HHAT: variants seen among roughly 807,000 people sequenced by gnomAD.
HHAT encodes protein-cysteine N-palmitoyltransferase HHAT.
In HHAT, 47 loss-of-function variants were observed where a neutral mutation model predicts 70.8. The observed-to-expected ratio is 0.66, with a 90% CI of 0.53 to 0.85. The LOEUF is 0.85. Among genes scored for constraint, HHAT ranks in the 40% least tolerant of loss-of-function variants. The probability of loss-of-function intolerance (pLI) is 0.00; values close to 1 mark genes in which losing one functional copy is unlikely to be tolerated. For synonymous variants in HHAT, 228 were observed against 247.6 expected (o/e 0.92, Z 0.74); for missense variants, 609 against 604.8 (o/e 1.01, Z -0.07).
intron 9 of HHAT, among the ~76,000 whole-genome samples, chr1:210,561,000 T>C (rs1337225151): frequency 6.6e-6 from 1 of 152,116 alleles, no homozygotes; most frequent in African/African-American, 2.4e-5. Flanking sequence ...ATGAGGTTCT[T>C]TGATACATCT....
chr1:210,571,838 G>A (rs768587874), intron 9 of HHAT, among the ~76,000 whole-genome samples: 13 of 152,202 alleles, frequency 8.5e-5, no homozygotes, highest in Non-Finnish European at 1.5e-4. Context: ...ATCTACAGAA[G>A]ACTCTGCTTT....
At chr1:210,426,068 T>C (rs901181868) in intron 7 of HHAT, among the ~76,000 whole-genome samples, 4 of 152,198 alleles carry the variant, frequency 2.6e-5, no homozygotes, top group African/African-American at 9.6e-5. Flanking sequence ...CTTCCCTAGT[T>C]AGCTGCATTG....
intron 7 of HHAT, among the ~76,000 whole-genome samples, chr1:210,431,735 G>T (rs12723999): frequency 1.3e-5 from 2 of 151,716 alleles, no homozygotes. Flanking sequence ...GGTTACTATG[G>T]GGAAGAGGTT....
intron 7 of HHAT, among the ~76,000 whole-genome samples, chr1:210,434,363 T>G (rs1044068152): frequency 1.3e-5 from 2 of 151,866 alleles, no homozygotes; most frequent in Non-Finnish European, 2.9e-5. Flanking sequence ...TGATAGTGAT[T>G]ATAGCTTTCT....
intron 8 of HHAT, among the ~76,000 whole-genome samples, chr1:210,470,545 G>A (rs1300734081): frequency 1.3e-5 from 2 of 152,176 alleles, no homozygotes; most frequent in Non-Finnish European, 2.9e-5. Context: ...GGACTATCAA[G>A]TTAAAGCAAA....
chr1:210,658,119 C>A (rs1243308176), intron 11 of HHAT, among the ~76,000 whole-genome samples: 2 of 152,250 alleles, frequency 1.3e-5, no homozygotes, highest in South Asian at 2.1e-4. Context: ...AGAAAGAAGG[C>A]AAGTTCATAG....
At chr1:210,636,626 T>G (rs1362948417) in intron 11 of HHAT, among the ~76,000 whole-genome samples, 3 of 152,202 alleles carry the variant, frequency 2.0e-5, no homozygotes, top group Admixed American at 2.0e-4. Context: ...GGGAAAAAAT[T>G]AAAATATTTA....
intron 11 of HHAT, among the ~76,000 whole-genome samples, chr1:210,666,462 G>A (rs933494357): frequency 6.6e-6 from 1 of 152,070 alleles, no homozygotes; most frequent in African/African-American, 2.4e-5. Flanking sequence ...AAGGACCGAA[G>A]GTCCATCATT....
intron 9 of HHAT, among the ~76,000 whole-genome samples, chr1:210,539,484 G>C (rs1287259577): frequency 6.6e-6 from 1 of 152,214 alleles, no homozygotes; most frequent in East Asian, 1.9e-4. Flanking sequence ...AGTGGTAGGA[G>C]TAGGAGTGGC....
chr1:210,623,337 G>A (rs1669231085), intron 10 of HHAT, among the ~76,000 whole-genome samples, 189 bp from the exon 11 acceptor site: 1 of 152,208 alleles, frequency 6.6e-6, no homozygotes, highest in Non-Finnish European at 1.5e-5. Flanking sequence ...GCCTCCCAAA[G>A]TGTGAGATTA....
At chr1:210,544,007 G>T (rs1325082198) in intron 9 of HHAT, among the ~76,000 whole-genome samples, 1 of 152,218 alleles carries the variant, frequency 6.6e-6, no homozygotes, top group Admixed American at 6.5e-5. Flanking sequence ...CCCTTGGGTT[G>T]CAGGTGGCCT....
At chr1:210,464,027 A>G (rs1485070658) in intron 7 of HHAT, among the ~76,000 whole-genome samples, 1 of 152,210 alleles carries the variant, frequency 6.6e-6, no homozygotes, top group African/African-American at 2.4e-5. Context: ...TGATACCTCA[A>G]GCGTTTATCT....
intron 3 of HHAT, among the ~76,000 whole-genome samples, chr1:210,386,222 C>CTTTT (rs1295756019): frequency 2.9e-5 from 2 of 69,872 alleles, no homozygotes; most frequent in African/African-American, 5.3e-5. Flanking sequence ...GAGTCCTTTT[C>CTTTT]TTTTTTTCTT....
At chr1:210,357,751 T>C (rs7542966) in intron 2 of HHAT, among the ~76,000 whole-genome samples, 43,543 of 151,916 alleles carry the variant, frequency 0.29, 6,698 homozygotes, top group South Asian at 0.34. Flanking sequence ...ACCCGGGAGG[T>C]GGAGCTTGCG....
At chr1:210,475,035 A>G (rs199590020) in intron 8 of HHAT, among the ~76,000 whole-genome samples, 2 of 129,194 alleles carry the variant, frequency 1.5e-5, no homozygotes, top group Non-Finnish European at 3.3e-5. Flanking sequence ...GTTTTTTTTT[A>G]ATTTTAGTAG....
chr1:210,451,002 G>C (rs1334296105), intron 7 of HHAT, among the ~76,000 whole-genome samples: 2 of 151,372 alleles, frequency 1.3e-5, no homozygotes, highest in African/African-American at 4.9e-5. Context: ...CAGGAGAATG[G>C]TGTGAACCCG....
At chr1:210,333,709 G>T (rs185516107) in intron 1 of HHAT, among the ~76,000 whole-genome samples, 211 of 151,936 alleles carry the variant, frequency 1.4e-3, no homozygotes, top group Non-Finnish European at 2.0e-3. Flanking sequence ...ACAGGATGGA[G>T]TGCAGTGGCA....
At chr1:210,353,591 G>C (rs1240935827) in intron 2 of HHAT, among the ~76,000 whole-genome samples, 1 of 151,810 alleles carries the variant, frequency 6.6e-6, no homozygotes, top group Non-Finnish European at 1.5e-5. Context: ...ACTTTATGTA[G>C]GTTTTCAGTT....
chr1:210,550,906 G>A lies in HHAT; in HGVS notation c.1044-36992G>A, dbSNP rs1185750961. 5.0e-5 allele frequency among the ~76,000 whole-genome samples: 6 copies of A among 119,242 alleles called. 1 individual carries two copies. Among genetic ancestry groups the A allele is most frequent in the Admixed American group, 3.9e-4 (4 of 10,252 alleles). The allele number at this position is 119,242 out of a possible 152,430, so 78.2% of individuals were successfully genotyped here. On this transcript the variant is annotated intron_variant, in intron 9 of 11. Coordinates refer to ENST00000261458, the MANE Select transcript of HHAT (RefSeq NM_018194.6). Reference sequence around the variant, plus strand: ...TGGTCTTGAACTCTTGACCTTAAGTGATCCACCCACCTTGGCCTCCCAAAG... The same window carrying A: ...TGGTCTTGAACTCTTGACCTTAAGTAATCCACCCACCTTGGCCTCCCAAAG...
Sources: gnomAD v4.1 joint callset for allele counts (sites outside exome capture counted in the v4.1 genomes callset) on GRCh38, gnomAD v4.1.1 for gene constraint, MANE v1.5 for transcripts, NCBI Gene and HGNC (gene_info 2026-07-23, HGNC 2026-07-21) for gene names.